CTSC: variants seen among roughly 807,000 people sequenced by gnomAD.
CTSC encodes the protein cathepsin C.
A neutral mutation model predicts 40.9 loss-of-function variants in CTSC; 37 were observed. That is an observed-to-expected ratio of 0.91 (90% CI 0.70 to 1.19). The LOEUF is 1.19. CTSC is among the 50% of genes most tolerant of loss of function. The pLI, the probability that CTSC is intolerant of heterozygous loss-of-function variation, is 0.00. For missense variants in CTSC, 594 were observed against 567.3 expected (o/e 1.05, Z -0.48); for synonymous variants, 232 against 207.4 (o/e 1.12, Z -1.02).
At chr11:88,296,849 C>T (rs1944304248) in intron 5 of CTSC, 1 of 157,500 alleles carries the variant, frequency 6.3e-6, no homozygotes, top group Admixed American at 6.1e-5. Flanking sequence ...CCTGTGAGTC[C>T]TATTTCCTTT....
At chr11:88,324,591 G>A (rs1591238527) in intron 2 of CTSC, 1 of 984,438 alleles carries the variant, frequency 1.0e-6, no homozygotes, top group South Asian at 4.7e-5. Context: ...TACCTACAAA[G>A]TTCTATGTGC....
chr11:88,336,395 C>A (rs150232776), intron 1 of CTSC, among the ~76,000 whole-genome samples: 2,393 of 151,762 alleles, frequency 0.016, 73 homozygotes, highest in African/African-American at 0.053. Context: ...AAATATTAGC[C>A]GGGCGTGGTG....
intron 2 of CTSC, chr11:88,325,318 CAAGA>C: frequency 7.1e-6 from 7 of 985,370 alleles, no homozygotes; most frequent in Non-Finnish European, 8.4e-6. Flanking sequence ...CTGGTTTAGG[CAAGA>C]AAGTCAGTAG....
intron 2 of CTSC, chr11:88,321,503 G>C (rs1428155572): frequency 2.0e-5 from 3 of 152,046 alleles, no homozygotes; most frequent in African/African-American, 7.2e-5. Flanking sequence ...CTATTGTTCA[G>C]CTCCCACTTA....
At chr11:88,313,681 A>G (rs1025943411) in intron 2 of CTSC, among the ~76,000 whole-genome samples, 2 of 152,126 alleles carry the variant, frequency 1.3e-5, no homozygotes, top group Admixed American at 1.3e-4. Flanking sequence ...TTCTGAGGAG[A>G]GACTTGGGCA....
chr11:88,293,892 A>T lies in CTSC; in HGVS notation c.*114T>A. 3 of 1,259,618 alleles carry T rather than the reference A, an allele frequency of 2.4e-6. No homozygotes were observed. Among genetic ancestry groups the T allele is most frequent in the Non-Finnish European group, 3.4e-6 (3 of 873,122 alleles). 78.0% of individuals were successfully genotyped at this position (1,259,618 alleles called of 1,614,324 possible). On this transcript the variant is annotated 3_prime_UTR_variant, in exon 7 of 7. Coordinates refer to ENST00000227266, the MANE Select transcript of CTSC (RefSeq NM_001814.6). ...TTTAATTCTGAAGACAAATATCTTC[A>T]TGGAAATCTATTTGTAAGCTTCTGA...
chr11:88,309,190 C>T lies in CTSC; in HGVS notation c.614G>A (p.Ser205Asn), dbSNP rs1301758847. ...TGGGATTTTTCGACTGTGGCCACCA[C>T]TTCTCCTAATCATATCTCCCAGGGT... Reference protein sequence around the residue: ...TLTLGDMIRRSGGHSRKIPRP... With the variant: ...TLTLGDMIRRNGGHSRKIPRP... The change falls in exon 4 of 7, where the codon AGT (serine) becomes AAT (asparagine). Residue 205 changes from serine to asparagine, a missense_variant. Physicochemically the swap from Ser to Asn is conservative, Grantham distance 46 (BLOSUM62 1). Coordinates refer to ENST00000227266, the MANE Select transcript of CTSC (RefSeq NM_001814.6). The T allele has an allele frequency of 1.2e-6, 2 of 1,614,070 alleles. No individual in the cohort carries two copies. Among genetic ancestry groups the T allele is most frequent in the South Asian group, 2.2e-5 (2 of 91,084 alleles).
intron 1 of CTSC, among the ~76,000 whole-genome samples, chr11:88,336,643 T>G (rs571673317): frequency 6.6e-5 from 10 of 152,326 alleles, no homozygotes; most frequent in African/African-American, 1.9e-4. Context: ...TTTGTTCTGT[T>G]GACAAGAAAA....
At position 88,294,519 on chromosome 11, in the gene CTSC, A is replaced by G. The variant is rs769244825; in HGVS notation, c.890-11T>C. The G allele has an allele frequency of 1.9e-6, 3 of 1,614,012 alleles. No individual in the cohort carries two copies. In the South Asian group the frequency reaches 3.3e-5, roughly 18 times the overall value. Reference sequence around the variant, plus strand: ...AGCCGCCTTCACAGCCTGAAGATGAATAACACACATGGTTACCCCTTAGTA... The same window carrying G: ...AGCCGCCTTCACAGCCTGAAGATGAGTAACACACATGGTTACCCCTTAGTA... On this transcript the variant is annotated splice_polypyrimidine_tract_variant and intron_variant, in intron 6 of 6. Coordinates refer to ENST00000227266, the MANE Select transcript of CTSC (RefSeq NM_001814.6).
intron 5 of CTSC, 64 bp downstream of exon 5, chr11:88,300,466 C>T: frequency 1.0e-6 from 1 of 998,226 alleles, no homozygotes. Context: ...ATCCATCACA[C>T]AGAGCAACTG....
In CTSC at chr11:88,337,635, A is replaced by G. The variant is rs1428148192; in HGVS notation, c.38T>C (p.Leu13Pro). 6.9e-6 allele frequency: 11 copies of G among 1,584,812 alleles called. No individual in the cohort carries two copies. Among genetic ancestry groups the G allele is most frequent in the African/African-American group, 1.3e-5 (1 of 74,346 alleles). Residue 13 changes from leucine (L) to proline (P), a missense_variant, in exon 1 of 7, where the codon CTG becomes CCG. Leu to Pro is a moderately conservative substitution (Grantham distance 98, BLOSUM62 -3). Transcript: ENST00000227266. ...GGCGCCGTCGCCGGAGAGAAGCAGC[A>G]GGAGGGCGGCGAGCAGCAAGGAGGG... is the stretch of plus-strand genomic sequence containing the variant. ...AGPSLLLAAL[L>P]LLLSGDGAVR...
intron 3 of CTSC, among the ~76,000 whole-genome samples, chr11:88,311,913 T>C (rs1937765026): frequency 6.6e-6 from 1 of 152,152 alleles, no homozygotes; most frequent in Non-Finnish European, 1.5e-5. Flanking sequence ...AAAAACAACC[T>C]TCCTTAAGCC....
At chr11:88,324,429 T>G in intron 2 of CTSC, 1 of 980,414 alleles carries the variant, frequency 1.0e-6, no homozygotes, top group Non-Finnish European at 1.2e-6. Context: ...GGTAACCTGA[T>G]AATATTCTTT....
At chr11:88,303,344 C>T (rs1284879140) in intron 4 of CTSC, among the ~76,000 whole-genome samples, 2 of 152,186 alleles carry the variant, frequency 1.3e-5, no homozygotes, top group African/African-American at 2.4e-5. Context: ...CACAAAACTG[C>T]CCCCTACTTC....
chr11:88,304,907 G>C (rs1308422986), intron 4 of CTSC, among the ~76,000 whole-genome samples: 1 of 152,182 alleles, frequency 6.6e-6, no homozygotes, highest in Non-Finnish European at 1.5e-5. Flanking sequence ...AGACCAGCCT[G>C]GCCAACATGG....
chr11:88,309,792 A>G (rs1252109978), intron 3 of CTSC, among the ~76,000 whole-genome samples: 3 of 140,754 alleles, frequency 2.1e-5, no homozygotes, highest in African/African-American at 8.4e-5. Context: ...TATGTATAAT[A>G]CATACATATA....
intron 4 of CTSC, 88 bp downstream of exon 4, chr11:88,309,075 G>A: frequency 8.6e-7 from 1 of 1,159,396 alleles, no homozygotes; most frequent in Non-Finnish European, 1.3e-6. Context: ...CCAATAAAAT[G>A]GCGAGCAACA....
chr11:88,317,869 C>G (rs1409647276), intron 2 of CTSC, among the ~76,000 whole-genome samples: 1 of 152,172 alleles, frequency 6.6e-6, no homozygotes, highest in East Asian at 1.9e-4. Context: ...ATATGAAGAT[C>G]AAGCCCTAGT....
intron 2 of CTSC, among the ~76,000 whole-genome samples, chr11:88,317,310 A>G (rs1021816189): frequency 2.0e-5 from 3 of 152,150 alleles, no homozygotes; most frequent in African/African-American, 7.2e-5. Flanking sequence ...TAATAGACAC[A>G]CTATTTATAT....
Sources: allele counts gnomAD v4.1 joint callset (sites outside exome capture counted in the v4.1 genomes callset), GRCh38; gene constraint gnomAD v4.1.1; transcripts MANE v1.5; gene names NCBI Gene and HGNC (gene_info 2026-07-23, HGNC 2026-07-21).